Variants in BACH2 observed in about 807,000 individuals in gnomAD.
BACH2 encodes transcription regulator protein BACH2.
BACH2 carries 5 observed loss-of-function variants against 61.8 expected under a neutral mutation model. The ratio of observed to expected loss-of-function variants is 0.08; its 90% CI spans 0.04 to 0.17. The LOEUF is 0.17. Among genes scored for constraint, BACH2 ranks in the 10% least tolerant of loss-of-function variants. The pLI is 1.00. For missense variants in BACH2, 824 were observed against 1,091.1 expected (o/e 0.76, Z 3.45); for synonymous variants, 446 against 440.1 (o/e 1.01, Z -0.17).
At chr6:90,069,152 T>G (rs187578447) in intron 5 of BACH2, among the ~76,000 whole-genome samples, 33 of 152,244 alleles carry the variant, frequency 2.2e-4, no homozygotes, top group Admixed American at 1.8e-3. Flanking sequence ...GGAGGAAGCC[T>G]GAAGACGGGA....
intron 4 of BACH2, among the ~76,000 whole-genome samples, chr6:90,194,336 T>C (rs2127845601): frequency 6.6e-6 from 1 of 152,270 alleles, no homozygotes; most frequent in Admixed American, 6.5e-5. Flanking sequence ...ATTTTTTTTT[T>C]CTGACATGAA....
intron 6 of BACH2, among the ~76,000 whole-genome samples, chr6:89,987,401 T>C (rs1214911942): frequency 6.6e-6 from 1 of 152,114 alleles, no homozygotes; most frequent in African/African-American, 2.4e-5. Context: ...GTCCTGGCTG[T>C]GTGTGAGGGA....
At chr6:90,071,683 G>A (rs1035133817) in intron 5 of BACH2, among the ~76,000 whole-genome samples, 2 of 152,140 alleles carry the variant, frequency 1.3e-5, no homozygotes, top group African/African-American at 2.4e-5. Flanking sequence ...GGGTTGGGGC[G>A]CCGATCCCCG....
chr6:89,994,069 AC>A (rs1193446785), intron 6 of BACH2, among the ~76,000 whole-genome samples: 1 of 152,206 alleles, frequency 6.6e-6, no homozygotes, highest in Non-Finnish European at 1.5e-5. Context: ...TGAGTGACTT[AC>A]CAAAGCACAC....
At chr6:90,205,384 C>T (rs1769108820) in intron 4 of BACH2, among the ~76,000 whole-genome samples, 1 of 152,160 alleles carries the variant, frequency 6.6e-6, no homozygotes, top group Admixed American at 6.5e-5. Flanking sequence ...CTTCTCTGGG[C>T]TTATATTTGA....
intron 4 of BACH2, among the ~76,000 whole-genome samples, chr6:90,129,050 T>G (rs939127379): frequency 1.3e-5 from 2 of 151,154 alleles, no homozygotes; most frequent in African/African-American, 4.9e-5. Flanking sequence ...CATCACACAC[T>G]GGGGCCTGTT....
At chr6:89,972,583 A>G (rs75673303) in intron 6 of BACH2, among the ~76,000 whole-genome samples, 2,647 of 152,300 alleles carry the variant, frequency 0.017, 37 homozygotes, top group Non-Finnish European at 0.029. Context: ...GACCCAAGGC[A>G]GTTTAGGTTT....
intron 5 of BACH2, among the ~76,000 whole-genome samples, chr6:90,023,191 T>C (rs1778466021): frequency 6.6e-6 from 1 of 152,184 alleles, no homozygotes; most frequent in Non-Finnish European, 1.5e-5. Flanking sequence ...TATACTGTTA[T>C]GGAGTGATAT....
At chr6:90,190,824 C>T (rs9344994) in intron 4 of BACH2, among the ~76,000 whole-genome samples, 29,550 of 152,238 alleles carry the variant, frequency 0.19, 3,368 homozygotes, top group East Asian at 0.53. Flanking sequence ...CCCAGACCAA[C>T]GACTCTGATC....
intron 6 of BACH2, among the ~76,000 whole-genome samples, chr6:89,954,307 T>TATTA (rs71027915): frequency 1.3e-5 from 2 of 151,820 alleles, no homozygotes; most frequent in South Asian, 4.2e-4. Flanking sequence ...TCTTTTTTTT[T>TATTA]TTATTATTAT....
intron 4 of BACH2, among the ~76,000 whole-genome samples, chr6:90,136,153 G>T (rs2127825103): frequency 6.6e-6 from 1 of 152,312 alleles, no homozygotes; most frequent in Middle Eastern, 3.4e-3. Context: ...CCTGTGCTGT[G>T]ACTCTGCGCT....
At chr6:90,129,775 T>G (rs1784016028) in intron 4 of BACH2, among the ~76,000 whole-genome samples, 1 of 152,164 alleles carries the variant, frequency 6.6e-6, no homozygotes, top group Non-Finnish European at 1.5e-5. Flanking sequence ...TTGCCTACTG[T>G]TGGTGTAAAG....
At chr6:90,044,168 C>T (rs1189120487) in intron 5 of BACH2, among the ~76,000 whole-genome samples, 7 of 151,998 alleles carry the variant, frequency 4.6e-5, no homozygotes, top group Non-Finnish European at 2.9e-5. Flanking sequence ...CAATAATGTG[C>T]TGTAGAGGAA....
chr6:90,265,598 T>C (rs1436332960), intron 2 of BACH2, among the ~76,000 whole-genome samples: 3 of 152,196 alleles, frequency 2.0e-5, no homozygotes, highest in Admixed American at 1.3e-4. Flanking sequence ...CAACTCAATA[T>C]ACCCAGGTGA....
chr6:89,965,155 G>A (rs1421786763), intron 6 of BACH2, among the ~76,000 whole-genome samples: 2 of 152,118 alleles, frequency 1.3e-5, no homozygotes, highest in Admixed American at 6.5e-5. Context: ...CTGAAGTGCT[G>A]GGATTACAGG....
At chr6:89,998,778 G>C (rs542292694) in intron 6 of BACH2, among the ~76,000 whole-genome samples, 1 of 151,472 alleles carries the variant, frequency 6.6e-6, no homozygotes, top group Non-Finnish European at 1.5e-5. Flanking sequence ...CAATTTCCTG[G>C]CTTACAGCTT....
chr6:90,150,679 AG>A (rs1784783011), intron 4 of BACH2, among the ~76,000 whole-genome samples: 1 of 152,120 alleles, frequency 6.6e-6, no homozygotes, highest in African/African-American at 2.4e-5. Context: ...AGTTCCGAGA[AG>A]GGTTTAGCCA....
At chr6:89,983,015 G>C (rs1425875359) in intron 6 of BACH2, among the ~76,000 whole-genome samples, 1 of 152,230 alleles carries the variant, frequency 6.6e-6, no homozygotes, top group African/African-American at 2.4e-5. Flanking sequence ...CCACAGGACA[G>C]ACCCTGGCCT....
intron 3 of BACH2, among the ~76,000 whole-genome samples, chr6:90,245,919 T>C: frequency 6.6e-6 from 1 of 152,180 alleles, no homozygotes; most frequent in East Asian, 1.9e-4. Flanking sequence ...GCCCAGACCC[T>C]CATTCCATGA....
Sources: allele counts gnomAD v4.1 joint callset (sites outside exome capture counted in the v4.1 genomes callset), GRCh38; gene constraint gnomAD v4.1.1; transcripts MANE v1.5; gene names NCBI Gene and HGNC (gene_info 2026-07-23, HGNC 2026-07-21).